LBR: variants seen among roughly 807,000 people sequenced by gnomAD.
LBR encodes the protein lamin B receptor.
A neutral mutation model predicts 74.3 loss-of-function variants in LBR; 28 were observed. The ratio of observed to expected loss-of-function variants is 0.38; its 90% confidence interval spans 0.28 to 0.52. The LOEUF is 0.52. LBR is among the 20% of genes least tolerant of loss of function. LBR has a pLI of 0.89. For missense variants in LBR, 717 were observed against 760.3 expected (o/e 0.94, Z 0.67); for synonymous variants, 228 against 269.3 (o/e 0.85, Z 1.50).
chr1:225,413,251 G>T (rs191034329), intron 7 of LBR, among the ~76,000 whole-genome samples: 1 of 152,324 alleles, frequency 6.6e-6, no homozygotes, highest in East Asian at 1.9e-4. Context: ...GAGTACCTGG[G>T]GGGTAGGGAC....
chr1:225,422,336 C>A, intron 2 of LBR, 59 bp from the exon 3 acceptor site: 3 of 1,355,126 alleles, frequency 2.2e-6, no homozygotes, highest in Non-Finnish European at 2.1e-6. Context: ...TACAGACAGA[C>A]CCACACTAGA....
At chr1:225,403,592 A>G in intron 13 of LBR, 129 bp from the exon 14 acceptor site, 1 of 717,190 alleles carries the variant, frequency 1.4e-6, no homozygotes, top group Non-Finnish European at 2.3e-6. Context: ...AATGATGAGA[A>G]TAATTAAACA....
intron 2 of LBR, 167 bp from the exon 3 acceptor site, chr1:225,422,444 G>A (rs573584979): frequency 3.5e-5 from 23 of 650,874 alleles, no homozygotes; most frequent in Non-Finnish European, 6.3e-5. Flanking sequence ...AATGGAAAAT[G>A]CTTTCATAAT....
In LBR at chr1:225,403,492, G is replaced by C. The variant is rs183032862; in HGVS notation, c.1688-29C>G. ...TGGATAATAATAGTACACAGTATTA[G>C]ATATTTTTATTATCACTACAATGTA... On this transcript the variant is annotated intron_variant, in intron 13 of 13. Coordinates refer to ENST00000272163, the MANE Select transcript of LBR (RefSeq NM_002296.4). The C allele has an allele frequency of 6.3e-4, 972 of 1,539,188 alleles. 4 individuals carry two copies. The highest frequency in any genetic ancestry group is 2.7e-3 in the Middle Eastern group (16 of 5,930).
chr1:225,411,519 T>A, intron 8 of LBR, 79 bp from the exon 9 acceptor site: 1 of 1,022,242 alleles, frequency 9.8e-7, no homozygotes, highest in Admixed American at 1.7e-5. Context: ...CCGCCCACTA[T>A]CCAGGCTCAC....
intron 3 of LBR, among the ~76,000 whole-genome samples, chr1:225,421,228 T>A (rs1479328779): frequency 3.3e-5 from 5 of 152,258 alleles, no homozygotes. Flanking sequence ...GCGCAGTGGC[T>A]CACGCCTGTA....
chr1:225,416,213 A>AGAGAG (rs1006790569), intron 6 of LBR, among the ~76,000 whole-genome samples: 1 of 137,860 alleles, frequency 7.3e-6, no homozygotes, highest in Non-Finnish European at 1.6e-5. Context: ...AAAAAAAAAA[A>AGAGAG]AGAGAGAGAG....
chr1:225,424,616 T>G (rs577731373), intron 1 of LBR, among the ~76,000 whole-genome samples: 158 of 152,310 alleles, frequency 1.0e-3, no homozygotes, highest in Non-Finnish European at 1.6e-3. Flanking sequence ...TATTTAGCTT[T>G]CAACTCTTAC....
chr1:225,413,636 A>T (rs41304014), intron 7 of LBR, among the ~76,000 whole-genome samples: 6,119 of 152,330 alleles, frequency 0.04, 151 homozygotes, highest in Middle Eastern at 0.061. Context: ...GAAAATATTC[A>T]TTTACCTTTC....
intron 2 of LBR, 148 bp from the exon 3 acceptor site, chr1:225,422,425 G>A: frequency 2.9e-6 from 2 of 694,472 alleles, no homozygotes; most frequent in South Asian, 3.1e-5. Context: ...GAATGGATCA[G>A]ATGAAGCCAA....
intron 11 of LBR, among the ~76,000 whole-genome samples, chr1:225,405,756 C>A (rs970606074): frequency 1.3e-5 from 2 of 152,184 alleles, no homozygotes; most frequent in African/African-American, 4.8e-5. Context: ...AGACATTCCC[C>A]ATTTTTAGCT....
At chr1:225,415,393 C>T (rs1310016483) in intron 6 of LBR, 61 bp from the exon 7 acceptor site, 2 of 769,920 alleles carry the variant, frequency 2.6e-6, no homozygotes, top group Non-Finnish European at 4.4e-6. Context: ...TACATATATA[C>T]ACACACACAT....
In LBR at chr1:225,406,627, T is replaced by C. The variant is rs181618094; in HGVS notation, c.1483+37A>G. 74 of 1,572,322 alleles carry C rather than the reference T, an allele frequency of 4.7e-5. No homozygotes were observed. In the Admixed American group the frequency reaches 1.3e-3, roughly 27 times the overall value. ...GGCATAAAAGCCTCAGTACATAATA[T>C]TTAATAAATTAAACTGAGACTAAAA... On this transcript the variant is annotated intron_variant, in intron 11 of 13. Coordinates refer to ENST00000272163, the MANE Select transcript of LBR (RefSeq NM_002296.4).
intron 7 of LBR, among the ~76,000 whole-genome samples, chr1:225,413,281 G>A (rs1051893409): frequency 1.3e-5 from 2 of 152,182 alleles, no homozygotes; most frequent in African/African-American, 2.4e-5. Flanking sequence ...GGACATTCAC[G>A]TGCAATGCCA....
chr1:225,405,467 C>T (rs2096089597), intron 11 of LBR, among the ~76,000 whole-genome samples: 1 of 152,162 alleles, frequency 6.6e-6, no homozygotes, highest in African/African-American at 2.4e-5. Flanking sequence ...CCCTCATGGA[C>T]AGATTAATGT....
Position 225,411,369 on chromosome 1 carries a change from A to G in LBR, c.1156T>C (p.Phe386Leu). The change falls in exon 9 of 14, where the codon TTT becomes CTT. Residue 386 changes from phenylalanine to leucine, a missense_variant. Physicochemically the swap from Phe to Leu is conservative, Grantham distance 22 (BLOSUM62 0). Coordinates refer to ENST00000272163, the MANE Select transcript of LBR (RefSeq NM_002296.4). ...PRIGTFDLKY[F>L]CELRPGLIGW... ...ATCAATCCGGGGCGCAATTCACAAA[A>G]GTATTTGAGATCAAAAGTACCAATT... The G allele has an allele frequency of 6.2e-7, 1 of 1,614,104 alleles. No individual in the cohort carries two copies. The highest frequency in any genetic ancestry group is 1.3e-5 in the African/African-American group (1 of 75,064).
In LBR at chr1:225,402,952, A is replaced by T. The variant is rs1157222865; in HGVS notation, c.*351T>A. 1 of 197,408 alleles carries T rather than the reference A, an allele frequency of 5.1e-6. No individual in the cohort carries two copies. The highest frequency in any genetic ancestry group is 1.0e-5 in the Non-Finnish European group (1 of 96,068). The allele number at this position is 197,408 out of a possible 1,614,324, so 12.2% of individuals were successfully genotyped here. On this transcript the variant is annotated 3_prime_UTR_variant, in exon 14 of 14. Coordinates refer to ENST00000272163, the MANE Select transcript of LBR (RefSeq NM_002296.4). ...ATTTAAGAAAAGCCAACTGGCAAAA[A>T]AACATCAAAATTTGAAAAGTAATCA... is the stretch of plus-strand genomic sequence containing the variant.
chr1:225,413,190 C>G (rs2096109735), intron 7 of LBR, among the ~76,000 whole-genome samples: 1 of 152,188 alleles, frequency 6.6e-6, no homozygotes, highest in Admixed American at 6.5e-5. Flanking sequence ...AACATGCCAC[C>G]CGCAGAAAAG....
rs764872060 is a variant in LBR, at chr1:225,411,352, G to A, written c.1173C>T (p.Pro391=). Residue 391 remains proline, a synonymous_variant, in exon 9 of 14, where the codon CCC becomes CCT. Coordinates refer to ENST00000272163, the MANE Select transcript of LBR (RefSeq NM_002296.4). Reference sequence around the variant, plus strand: ...CCAGACATACCCATCCAATCAATCCGGGGCGCAATTCACAAAAGTATTTGA... The same window carrying A: ...CCAGACATACCCATCCAATCAATCCAGGGCGCAATTCACAAAAGTATTTGA... ...FDLKYFCELR[P]GLIGWVVINL... is the part of the protein sequence containing the mutation. 7.4e-6 allele frequency: 12 copies of A among 1,612,476 alleles called. No individual in the cohort carries two copies. Among genetic ancestry groups the A allele is most frequent in the Admixed American group, 5.0e-5 (3 of 59,980 alleles).
Sources: gnomAD v4.1 joint callset for allele counts (sites outside exome capture counted in the v4.1 genomes callset) on GRCh38, gnomAD v4.1.1 for gene constraint, MANE v1.5 for transcripts, NCBI Gene and HGNC (gene_info 2026-07-23, HGNC 2026-07-21) for gene names.